Variants in CMAS observed in about 807,000 individuals in gnomAD.
The protein encoded by CMAS is cytidine monophosphate N-acetylneuraminic acid synthetase.
Under a neutral mutation model 53.4 loss-of-function variants are expected in CMAS, and 21 were observed. That is an observed-to-expected ratio of 0.39 (90% CI 0.28 to 0.57). CMAS has a LOEUF of 0.57. Ranked by LOEUF, CMAS falls within the 20% of genes least tolerant of loss-of-function variation. The probability of loss-of-function intolerance (pLI) is 0.56; values close to 1 mark genes in which losing one functional copy is unlikely to be tolerated. For missense variants in CMAS, 384 were observed against 534.9 expected (o/e 0.72, Z 2.78); for synonymous variants, 189 against 195.2 (o/e 0.97, Z 0.27).
At chr12:22,046,667 G>C in intron 1 of CMAS, 104 bp downstream of exon 1, 2 of 1,296,174 alleles carry the variant, frequency 1.5e-6, no homozygotes, top group South Asian at 3.2e-5. Flanking sequence ...TCTTGGAAGG[G>C]GGCCATCTCT....
At position 22,061,408 on chromosome 12, in the gene CMAS, A is replaced by G. The variant is rs1565531818; in HGVS notation, c.916A>G (p.Lys306Glu). The G allele has an allele frequency of 6.2e-7, 1 of 1,604,886 alleles. No individual in the cohort carries two copies. Among genetic ancestry groups the G allele is most frequent in the East Asian group, 2.2e-5 (1 of 44,682 alleles). ...AAAAGAAATAATATCTTATGATGTA[A>G]AAGATGCTATTGGGATAAGTTTATT... ...DQKEIISYDVKDAIGISLLKK... is the reference protein window; with the variant it reads ...DQKEIISYDVEDAIGISLLKK... Residue 306 changes from lysine (K) to glutamate (E), a missense_variant, in exon 6 of 8, where the codon AAA becomes GAA. Lys to Glu is a moderately conservative substitution (Grantham distance 56). Transcript: ENST00000229329.
At chr12:22,055,730 ATTACT>A in intron 3 of CMAS, 120 bp downstream of exon 3, 1 of 789,104 alleles carries the variant, frequency 1.3e-6, no homozygotes, top group Non-Finnish European at 2.0e-6. Context: ...TATTTGACTC[ATTACT>A]TTAGTAGGTA....
At chr12:22,062,162 A>C in intron 6 of CMAS, 119 bp from the exon 7 acceptor site, 1 of 848,520 alleles carries the variant, frequency 1.2e-6, no homozygotes, top group Non-Finnish European at 1.7e-6. Flanking sequence ...AGAAAGTCAA[A>C]AGATGACTCG....
chr12:22,052,022 G>A (rs530564272), intron 1 of CMAS, among the ~76,000 whole-genome samples: 1 of 152,270 alleles, frequency 6.6e-6, no homozygotes, highest in South Asian at 2.1e-4. Context: ...AGCATGTGGT[G>A]GAGCCAGAAT....
intron 1 of CMAS, among the ~76,000 whole-genome samples, chr12:22,053,318 T>C (rs1950247368): frequency 6.6e-6 from 1 of 151,824 alleles, no homozygotes; most frequent in Non-Finnish European, 1.5e-5. Context: ...GCAGTTCATC[T>C]TTCCCTCAGT....
In CMAS at chr12:22,061,888, A is replaced by G. The variant is rs1950310386; in HGVS notation, c.961-393A>G. Among the ~76,000 whole-genome samples, 3 of 152,178 alleles carry G rather than the reference A, an allele frequency of 2.0e-5. No individual in the cohort carries two copies. The South Asian group carries it at 6.2e-4, about 31-fold the overall frequency. Reference sequence around the variant, plus strand: ...ATGAAAGCTAGCTAAGATAATTATAATTTACCAGAAATCCTAAATATGTAT... The same window carrying G: ...ATGAAAGCTAGCTAAGATAATTATAGTTTACCAGAAATCCTAAATATGTAT... On this transcript the variant is annotated intron_variant, in intron 6 of 7. Transcript: ENST00000229329.
At chr12:22,062,506 A>ACAAAG in intron 7 of CMAS, 72 bp downstream of exon 7, 1 of 1,458,702 alleles carries the variant, frequency 6.9e-7, no homozygotes, top group South Asian at 1.2e-5. Context: ...TAAAGAAATG[A>ACAAAG]CAAAGCACAT....
At chr12:22,047,622 A>T (rs1434402795) in intron 1 of CMAS, among the ~76,000 whole-genome samples, 2 of 152,178 alleles carry the variant, frequency 1.3e-5, no homozygotes, top group African/African-American at 4.8e-5. Context: ...GAAGTCCTGG[A>T]TGGACCAAGG....
intron 1 of CMAS, among the ~76,000 whole-genome samples, chr12:22,051,709 C>T (rs994613473): frequency 6.6e-6 from 1 of 152,040 alleles, no homozygotes; most frequent in Non-Finnish European, 1.5e-5. Flanking sequence ...ATATTTTTTT[C>T]ACAGTGTAAT....
At chr12:22,052,902 A>G (rs1014817948) in intron 1 of CMAS, among the ~76,000 whole-genome samples, 1 of 152,170 alleles carries the variant, frequency 6.6e-6, no homozygotes, top group Non-Finnish European at 1.5e-5. Flanking sequence ...ATAAATATTA[A>G]AGGGAATAAA....
intron 6 of CMAS, among the ~76,000 whole-genome samples, chr12:22,061,815 T>TGACA (rs1175512431): frequency 6.6e-6 from 1 of 152,182 alleles, no homozygotes; most frequent in Non-Finnish European, 1.5e-5. Flanking sequence ...TTCTTATGAA[T>TGACA]GACATTTTTG....
chr12:22,053,120 C>G (rs1196596525), intron 1 of CMAS, among the ~76,000 whole-genome samples: 2 of 151,794 alleles, frequency 1.3e-5, no homozygotes, highest in African/African-American at 4.8e-5. Context: ...ATGGCAAAAC[C>G]CCATCTTTAC....
chr12:22,061,246 A>C, intron 5 of CMAS, 35 bp from the exon 6 acceptor site: 1 of 1,459,024 alleles, frequency 6.9e-7, no homozygotes, highest in Non-Finnish European at 9.6e-7. Context: ...TTAGTACTGC[A>C]CTTGTACTCA....
intron 1 of CMAS, 52 bp downstream of exon 1, chr12:22,046,615 G>T (rs535362881): frequency 1.4e-6 from 2 of 1,461,430 alleles, no homozygotes; most frequent in Non-Finnish European, 1.8e-6. Context: ...TCGGGAGAGG[G>T]AGTCGGGCTG....
At chr12:22,063,241 G>C (rs767940154) in intron 7 of CMAS, among the ~76,000 whole-genome samples, 5 of 152,256 alleles carry the variant, frequency 3.3e-5, no homozygotes, top group Admixed American at 2.0e-4. Flanking sequence ...GGTAATATGA[G>C]CCTCAAAATA....
Position 22,063,354 on chromosome 12 carries a change from T to C in CMAS, c.1114+920T>C, listed in dbSNP as rs148124501. Among the ~76,000 whole-genome samples the C allele has an allele frequency of 3.0e-3, 459 of 152,334 alleles. 7 individuals carry two copies. The highest frequency in any genetic ancestry group is 0.01 in the African/African-American group (422 of 41,580). Reference sequence around the variant, plus strand: ...ATGGACATAAATGCTGCAGAATGTTTGTTAAAGACAGATCCAATTTTTATT... The same window carrying C: ...ATGGACATAAATGCTGCAGAATGTTCGTTAAAGACAGATCCAATTTTTATT... On this transcript the variant is annotated intron_variant, in intron 7 of 7. Coordinates refer to ENST00000229329, the MANE Select transcript of CMAS (RefSeq NM_018686.6).
chr12:22,046,257 A>G lies in CMAS; in HGVS notation c.-47A>G. On this transcript the variant is annotated 5_prime_UTR_variant, in exon 1 of 8. Transcript: ENST00000229329. ...CGGCGCCGAGCTGAGGTGGTGAGGG[A>G]CTAGCTCCCGGATGTGGAGAAGCTG... The G allele has an allele frequency of 7.1e-7, 1 of 1,405,534 alleles. No individual in the cohort carries two copies. The highest frequency in any genetic ancestry group is 3.0e-5 in the East Asian group (1 of 33,654). 87.1% of individuals were successfully genotyped at this position (1,405,534 alleles called of 1,614,324 possible). A position where few individuals can be genotyped will look rare whatever the true frequency, so the allele number is the denominator to read the frequency against.
chr12:22,065,417 T>A lies in CMAS; in HGVS notation c.*106T>A. Reference sequence around the variant, plus strand: ...GTTGTAATGTTACAGAGAGTGTGATTTGGTTTGTGATATATATATATTGTG... The same window carrying A: ...GTTGTAATGTTACAGAGAGTGTGATATGGTTTGTGATATATATATATTGTG... On this transcript the variant is annotated 3_prime_UTR_variant, in exon 8 of 8. Coordinates refer to ENST00000229329, the MANE Select transcript of CMAS (RefSeq NM_018686.6). 1.2e-6 allele frequency: 1 copy of A among 857,504 alleles called. No homozygotes were observed. The highest frequency in any genetic ancestry group is 1.7e-5 in the South Asian group (1 of 59,860). The allele number at this position is 857,504 out of a possible 1,614,324, so 53.1% of individuals were successfully genotyped here. A position where few individuals can be genotyped will look rare whatever the true frequency, so the allele number is the denominator to read the frequency against.
At chr12:22,062,456 C>A in intron 7 of CMAS, 22 bp downstream of exon 7, 1 of 1,606,080 alleles carries the variant, frequency 6.2e-7, no homozygotes, top group South Asian at 1.1e-5. Context: ...TTTATTCACC[C>A]ATAGTAAAAT....
Sources: gnomAD v4.1 joint callset for allele counts (sites outside exome capture counted in the v4.1 genomes callset) on GRCh38, gnomAD v4.1.1 for gene constraint, MANE v1.5 for transcripts, NCBI Gene and HGNC (gene_info 2026-07-23, HGNC 2026-07-21) for gene names.